PHEX: variants seen among roughly 807,000 people sequenced by gnomAD.
PHEX encodes the protein phosphate-regulating neutral endopeptidase PHEX.
PHEX carries 16 observed loss-of-function variants against 68.0 expected under a neutral mutation model. The observed-to-expected ratio is 0.24, with a 90% CI of 0.16 to 0.36. The LOEUF (loss-of-function observed/expected upper bound fraction) is 0.36. Ranked by LOEUF, PHEX falls within the 10% of genes least tolerant of loss-of-function variation. The pLI is 1.00. For missense variants in PHEX, 480 were observed against 575.5 expected, an observed-to-expected ratio of 0.83 and a Z score of 1.70; for synonymous variants, 208 against 205.1, an observed-to-expected ratio of 1.01 and a Z score of -0.12.
chrX:22,036,311 C>A (rs1184683737), intron 1 of PHEX, among the ~76,000 whole-genome samples: 1 of 109,031 alleles, frequency 9.2e-6, no homozygotes, highest in Non-Finnish European at 1.9e-5. Flanking sequence ...CCGCCCACCT[C>A]GGCCACCCAA....
At chrX:22,245,702 C>G (rs1426475640) in intron 21 of PHEX, among the ~76,000 whole-genome samples, 2 of 111,892 alleles carry the variant, frequency 1.8e-5, no homozygotes, top group Non-Finnish European at 1.9e-5. Context: ...ATACAAGACT[C>G]CAGAGGTAAT....
intron 3 of PHEX, among the ~76,000 whole-genome samples, chrX:22,075,163 A>G (rs78679831): frequency 0.022 from 2,417 of 110,267 alleles, 155 homozygotes; most frequent in East Asian, 0.15. Flanking sequence ...ACAAGCTGAA[A>G]TAATTGAAAA....
intron 16 of PHEX, among the ~76,000 whole-genome samples, chrX:22,215,271 T>C (rs940625831): frequency 1.8e-5 from 2 of 111,641 alleles, no homozygotes; most frequent in African/African-American, 6.5e-5. Context: ...ACTTAATGAA[T>C]AGCTACTACA....
intron 12 of PHEX, among the ~76,000 whole-genome samples, chrX:22,156,800 A>G (rs1239875485): frequency 9.0e-6 from 1 of 111,215 alleles, no homozygotes; most frequent in Non-Finnish European, 1.9e-5. Flanking sequence ...ACCACATATA[A>G]TCGAAACCAA....
chrX:22,224,581 G>A (rs1420247151), intron 18 of PHEX, among the ~76,000 whole-genome samples: 1 of 111,328 alleles, frequency 9.0e-6, no homozygotes, highest in Non-Finnish European at 1.9e-5. Context: ...AGGCAGAAAA[G>A]GGGATCTGGT....
At chrX:22,211,229 C>T (rs1397660669) in intron 15 of PHEX, among the ~76,000 whole-genome samples, 4 of 111,968 alleles carry the variant, frequency 3.6e-5, no homozygotes, top group Non-Finnish European at 7.5e-5. Flanking sequence ...ATTTGGGAAG[C>T]CCAGTGCAAA....
At chrX:22,051,592 A>T (rs1327769612) in intron 3 of PHEX, among the ~76,000 whole-genome samples, 1 of 112,350 alleles carries the variant, frequency 8.9e-6, no homozygotes, top group Non-Finnish European at 1.9e-5. Flanking sequence ...TTATTTTGAG[A>T]TAATTCAAAC....
chrX:22,192,606 C>G (rs926445647), intron 15 of PHEX, among the ~76,000 whole-genome samples: 12 of 111,992 alleles, frequency 1.1e-4, no homozygotes, highest in Non-Finnish European at 2.3e-4. Context: ...TAGAGCACAC[C>G]TGACACGCTC....
chrX:22,220,939 G>A (rs1369978516), intron 17 of PHEX, among the ~76,000 whole-genome samples: 2 of 112,481 alleles, frequency 1.8e-5, no homozygotes, highest in Non-Finnish European at 3.8e-5. Context: ...AGAAAATGAA[G>A]AGTGAGCACA....
intron 3 of PHEX, among the ~76,000 whole-genome samples, chrX:22,056,142 C>T (rs1167701882): frequency 8.9e-6 from 1 of 112,314 alleles, no homozygotes; most frequent in East Asian, 2.8e-4. Context: ...TTGTACTACT[C>T]TGTGAAAATA....
rs139705655 is a variant in PHEX, at chrX:22,234,983, C to T, written c.2070+7372C>T. On this transcript the variant is annotated intron_variant, in intron 20 of 21. Coordinates refer to ENST00000379374, the MANE Select transcript of PHEX (RefSeq NM_000444.6). ...ACTGGAGGGAATCTGGAATCTCCTC[C>T]TGTTCTGCAGGTTGCGAAGACCGTG... Among the ~76,000 whole-genome samples the T allele has an allele frequency of 8.6e-3, 968 of 112,032 alleles. 5 individuals are homozygous for T. Among genetic ancestry groups the T allele is most frequent in the Non-Finnish European group, 0.01 (547 of 53,142 alleles).
At chrX:22,247,799 C>A in intron 21 of PHEX, 52 bp from the exon 22 acceptor site, 1 of 843,232 alleles carries the variant, frequency 1.2e-6, no homozygotes, top group Non-Finnish European at 1.8e-6. Context: ...TATACAGAAC[C>A]TGTTGATGTG....
At chrX:22,041,363 C>T (rs1402927324) in intron 2 of PHEX, among the ~76,000 whole-genome samples, 4 of 103,785 alleles carry the variant, frequency 3.9e-5, no homozygotes, top group African/African-American at 1.4e-4. Context: ...TTCATAAGAC[C>T]CCTATGAAGT....
chrX:22,206,480 G>T (rs1934715216), intron 15 of PHEX, among the ~76,000 whole-genome samples: 1 of 111,527 alleles, frequency 9.0e-6, no homozygotes, highest in African/African-American at 3.3e-5. Context: ...CATTCTAGTT[G>T]GGGAAAGACA....
intron 11 of PHEX, among the ~76,000 whole-genome samples, chrX:22,116,092 C>CT (rs1931221867): frequency 9.0e-6 from 1 of 111,651 alleles, no homozygotes; most frequent in Admixed American, 9.5e-5. Flanking sequence ...TGAGCGTTTC[C>CT]TTTTTTTCCA....
At chrX:22,098,794 T>TGAAAAAA (rs1930271259) in intron 8 of PHEX, among the ~76,000 whole-genome samples, 1 of 8,599 alleles carries the variant, frequency 1.2e-4, no homozygotes, top group African/African-American at 8.0e-4. Flanking sequence ...CGAGAATGTC[T>TGAAAAAA]CAAAAAAAAA....
chrX:22,207,479 A>G (rs965806380), intron 15 of PHEX, among the ~76,000 whole-genome samples: 45 of 111,762 alleles, frequency 4.0e-4, no homozygotes, highest in African/African-American at 1.3e-3. Context: ...TAATTGTTAC[A>G]TAACATACTG....
intron 12 of PHEX, among the ~76,000 whole-genome samples, chrX:22,134,083 G>A (rs1341165288): frequency 1.8e-5 from 2 of 111,833 alleles, no homozygotes; most frequent in Non-Finnish European, 3.8e-5. Context: ...ATCCTTTCCT[G>A]TAACCAAGCA....
At chrX:22,111,971 T>C (rs1279685712) in intron 10 of PHEX, among the ~76,000 whole-genome samples, 1 of 112,142 alleles carries the variant, frequency 8.9e-6, no homozygotes, top group Non-Finnish European at 1.9e-5. Flanking sequence ...ATGTGCATGA[T>C]AGAGATATTG....
Sources: allele counts gnomAD v4.1 joint callset (sites outside exome capture counted in the v4.1 genomes callset), GRCh38; gene constraint gnomAD v4.1.1; transcripts MANE v1.5; gene names NCBI Gene and HGNC (gene_info 2026-07-23, HGNC 2026-07-21).